The following RASGRP3 variants were observed in gnomAD, a reference collection of about 807,000 sequenced individuals.
The protein encoded by RASGRP3 is RAS guanyl releasing protein 3.
RASGRP3 carries 54 observed loss-of-function variants against 82.7 expected under a neutral mutation model. The observed-to-expected ratio is 0.65, with a 90% CI of 0.52 to 0.82. The LOEUF (loss-of-function observed/expected upper bound fraction) is 0.82. RASGRP3 is among the 40% of genes least tolerant of loss of function. The probability of loss-of-function intolerance (pLI) is 0.00; values close to 1 mark genes in which losing one functional copy is unlikely to be tolerated. For synonymous variants in RASGRP3, 309 were observed against 300.5 expected (o/e 1.03, Z -0.29); for missense variants, 861 against 828.9 (o/e 1.04, Z -0.48).
chr2:33,503,879 A>G (rs916814739), intron 1 of RASGRP3, among the ~76,000 whole-genome samples: 89 of 152,328 alleles, frequency 5.8e-4, no homozygotes, highest in African/African-American at 1.8e-3. Flanking sequence ...ATCACTGTCA[A>G]TAGTGAAACT....
At chr2:33,475,309 G>GTT (rs1558417056), upstream of RASGRP3, among the ~76,000 whole-genome samples, 1 of 152,164 alleles carries the variant, frequency 6.6e-6, no homozygotes. Context: ...GAGACTGAGG[G>GTT]TTTTTTGTCT....
At chr2:33,478,449 G>A (rs1349931032) in intron 1 of RASGRP3, among the ~76,000 whole-genome samples, 1 of 152,114 alleles carries the variant, frequency 6.6e-6, no homozygotes, top group African/African-American at 2.4e-5. Context: ...ATTTTCCACA[G>A]GTTGATAGTG....
chr2:33,552,428 G>C (rs1280183323), intron 14 of RASGRP3, among the ~76,000 whole-genome samples: 1 of 152,142 alleles, frequency 6.6e-6, no homozygotes, highest in African/African-American at 2.4e-5. Context: ...TTGATACTTT[G>C]AGAGTTTAAT....
rs749820088 is a variant in RASGRP3, at chr2:33,534,321, A to G, written c.1084-2A>G. On this transcript the variant is annotated splice_acceptor_variant, in intron 10 of 17. Transcript: ENST00000403687. LOFTEE classifies it high-confidence loss of function. ...TTTTTATCCCTTCTAATTTTGTTGT[A>G]GCTTTCCCTGGACCTCTATCACACT... The G allele has an allele frequency of 1.3e-6, 2 of 1,553,974 alleles. No individual in the cohort carries two copies. The highest frequency in any genetic ancestry group is 1.8e-6 in the Non-Finnish European group (2 of 1,127,222).
At chr2:33,464,476 T>G (rs1332884461) in intron 2 of RASGRP3, among the ~76,000 whole-genome samples, 4 of 149,116 alleles carry the variant, frequency 2.7e-5, no homozygotes. Context: ...GTGATCTTTT[T>G]TTAAAAAAAA....
chr2:33,534,132 G>T, intron 10 of RASGRP3, 191 bp from the exon 11 acceptor site: 1 of 580,572 alleles, frequency 1.7e-6, no homozygotes, highest in Non-Finnish European at 3.1e-6. Context: ...CAATACTGAT[G>T]ATTAACCAGG....
At position 33,562,998 on chromosome 2, in the gene RASGRP3, TTC is replaced by T; in HGVS notation, c.*264_*265del. 2.4e-6 allele frequency: 1 copy of T among 410,604 alleles called. No homozygotes were observed. Among genetic ancestry groups the T allele is most frequent in the South Asian group, 5.3e-5 (1 of 18,752 alleles). The allele number at this position is 410,604 out of a possible 1,614,324, so 25.4% of individuals were successfully genotyped here. ...ACTGTGTTATGTAGTCAGTACTTTT[TTC>T]TCATGTATCTTTCTCTAGACCATTT... On this transcript the variant is annotated 3_prime_UTR_variant, in exon 18 of 18. Coordinates refer to ENST00000403687, the MANE Select transcript of RASGRP3 (RefSeq NM_001139488.2).
chr2:33,539,084 T>G lies in RASGRP3; in HGVS notation c.1162-10T>G, dbSNP rs1197215115. 1.3e-6 allele frequency: 2 copies of G among 1,541,850 alleles called. No individual in the cohort carries two copies. Among genetic ancestry groups the G allele is most frequent in the Non-Finnish European group, 8.8e-7 (1 of 1,138,716 alleles). ...GTTGAAAAATATGTGGTTTTTTTTT[T>G]GTTTATCAGCAGCCTACCTCCCCTA... On this transcript the variant is annotated splice_polypyrimidine_tract_variant and intron_variant, in intron 11 of 17. Coordinates refer to ENST00000403687, the MANE Select transcript of RASGRP3 (RefSeq NM_001139488.2).
rs1671906766 is a variant in RASGRP3, at chr2:33,520,362, A to G, written c.237-191A>G. 2.6e-5 allele frequency among the ~76,000 whole-genome samples: 4 copies of G among 152,308 alleles called. No homozygotes were observed. The South Asian group carries it at 8.3e-4, about 32-fold the overall frequency. On this transcript the variant is annotated intron_variant, in intron 5 of 17. Coordinates refer to ENST00000403687, the MANE Select transcript of RASGRP3 (RefSeq NM_001139488.2). ...AGAGGCTATGAGTGGGAGCGGTTTT[A>G]GATTGAAGGAGGGCAGAGAGAGGCT...
intron 14 of RASGRP3, among the ~76,000 whole-genome samples, chr2:33,551,169 A>C (rs781672468): frequency 1.3e-5 from 2 of 152,114 alleles, no homozygotes; most frequent in Non-Finnish European, 2.9e-5. Context: ...AAAAATTAGC[A>C]GGGCATGGTG....
intron 1 of RASGRP3, among the ~76,000 whole-genome samples, chr2:33,511,200 G>T (rs941092163): frequency 2.0e-5 from 3 of 152,252 alleles, no homozygotes; most frequent in South Asian, 4.1e-4. Flanking sequence ...CCGCCAGAGA[G>T]TACCTATCAA....
At chr2:33,537,901 T>G (rs1326203947) in intron 11 of RASGRP3, among the ~76,000 whole-genome samples, 1 of 152,074 alleles carries the variant, frequency 6.6e-6, no homozygotes, top group Non-Finnish European at 1.5e-5. Flanking sequence ...GAAAAATCTG[T>G]GGAGAAAGAA....
intron 1 of RASGRP3, among the ~76,000 whole-genome samples, chr2:33,499,841 AG>A (rs1381998732): frequency 6.6e-6 from 1 of 152,216 alleles, no homozygotes; most frequent in East Asian, 1.9e-4. Context: ...CCATGTCAAA[AG>A]AATATGATGG....
At chr2:33,557,910 CA>C (rs1314118960) in intron 15 of RASGRP3, among the ~76,000 whole-genome samples, 1 of 152,080 alleles carries the variant, frequency 6.6e-6, no homozygotes, top group Non-Finnish European at 1.5e-5. Context: ...TGGGCAAAGG[CA>C]ACTGACCTCT....
intron 1 of RASGRP3, among the ~76,000 whole-genome samples, chr2:33,505,866 G>A (rs766663776): frequency 4.6e-5 from 7 of 152,150 alleles, no homozygotes; most frequent in Non-Finnish European, 1.0e-4. Context: ...ATGTTCGGCT[G>A]CAGCCAAATG....
chr2:33,524,489 C>A lies in RASGRP3; in HGVS notation c.748C>A (p.His250Asn). 6.2e-7 allele frequency: 1 copy of A among 1,606,134 alleles called. No homozygotes were observed. The highest frequency in any genetic ancestry group is 1.1e-5 in the South Asian group (1 of 88,800). ...GATGGCAGTGGTGGGAGGCCTCAGT[C>A]ATAGTTCCATTTCACGCCTCAAAGA... ...TLMAVVGGLS[H>N]SSISRLKETH... The change falls in exon 9 of 18, where the codon CAT becomes AAT. Residue 250 changes from histidine to asparagine, a missense_variant. Transcript: ENST00000403687.
At chr2:33,502,147 A>G (rs1234610925) in intron 1 of RASGRP3, among the ~76,000 whole-genome samples, 1 of 152,180 alleles carries the variant, frequency 6.6e-6, no homozygotes, top group East Asian at 1.9e-4. Context: ...GGTTTTGGCC[A>G]GAAGACACCT....
chr2:33,469,845 C>T (rs11680631), intron 2 of RASGRP3, among the ~76,000 whole-genome samples: 81,053 of 152,022 alleles, frequency 0.53, 22,493 homozygotes, highest in Non-Finnish European at 0.59. Flanking sequence ...TTAATTTTTC[C>T]GAATAGTTAA....
At chr2:33,470,883 G>A (rs563889335) in intron 2 of RASGRP3, among the ~76,000 whole-genome samples, 1 of 151,998 alleles carries the variant, frequency 6.6e-6, no homozygotes, top group Non-Finnish European at 1.5e-5. Flanking sequence ...TACTCAATCT[G>A]CAGGTTGAAT....
Sources: gnomAD v4.1 joint callset for allele counts (sites outside exome capture counted in the v4.1 genomes callset) on GRCh38, gnomAD v4.1.1 for gene constraint, MANE v1.5 for transcripts, NCBI Gene and HGNC (gene_info 2026-07-23, HGNC 2026-07-21) for gene names.